The following GLI1 variants were observed in gnomAD, a reference collection of about 807,000 sequenced individuals.
GLI1 encodes the protein transcription activator GLI1.
A neutral mutation model predicts 87.8 loss-of-function variants in GLI1; 51 were observed. That is an observed-to-expected ratio of 0.58 (90% CI 0.46 to 0.73). The LOEUF (loss-of-function observed/expected upper bound fraction) is 0.73, where lower values mean the gene tolerates loss of function less well. GLI1 is among the 30% of genes least tolerant of loss of function. The pLI is 0.00. For missense variants in GLI1, 1,292 were observed against 1,437.2 expected, an observed-to-expected ratio of 0.90 and a Z score of 1.63; for synonymous variants, 528 against 558.2, an observed-to-expected ratio of 0.95 and a Z score of 0.76.
rs113257022 is a variant in GLI1, at chr12:57,467,778, G to T, written c.1078-216G>T. ...TGGATTTATGGGACCTCACAGCCCT[G>T]GGTTCACCCCCTCATCTTTCCCAGG... On this transcript the variant is annotated intron_variant, in intron 9 of 11. Transcript: ENST00000228682. 1.0e-3 allele frequency among the ~76,000 whole-genome samples: 156 copies of T among 152,194 alleles called. 1 individual carries two copies. Among genetic ancestry groups the T allele is most frequent in the South Asian group, 2.1e-3 (10 of 4,818 alleles).
At chr12:57,466,185 C>T in intron 7 of GLI1, 55 bp from the exon 8 acceptor site, 1 of 1,566,154 alleles carries the variant, frequency 6.4e-7, no homozygotes, top group Non-Finnish European at 8.7e-7. Flanking sequence ...AAGGTCTGTT[C>T]TGGACCTCAG....
In GLI1 at chr12:57,464,228, C is replaced by G. The variant is rs556317560; in HGVS notation, c.193+137C>G. 860 of 698,996 alleles carry G rather than the reference C, an allele frequency of 1.2e-3. 18 individuals are homozygous for G. In the South Asian group the frequency reaches 0.013, roughly 11 times the overall value. The allele number at this position is 698,996 out of a possible 1,614,324, so 43.3% of individuals were successfully genotyped here. A position where few individuals can be genotyped will look rare whatever the true frequency, so the allele number is the denominator to read the frequency against. ...AGGCGTCAGAGCACCATCAAGAAGT[C>G]ACAGATGGGGCCGGGCGCGGTGGCT... On this transcript the variant is annotated intron_variant, in intron 3 of 11. Coordinates refer to ENST00000228682, the MANE Select transcript of GLI1 (RefSeq NM_005269.3).
At chr12:57,464,554 C>A in intron 3 of GLI1, 119 bp from the exon 4 acceptor site, 1 of 648,548 alleles carries the variant, frequency 1.5e-6, no homozygotes, top group Non-Finnish European at 2.6e-6. Context: ...TCACAGATAG[C>A]ATCAATAGGG....
chr12:57,472,085 C>T lies in GLI1; in HGVS notation c.*24C>T. 7.0e-7 allele frequency: 1 copy of T among 1,431,166 alleles called. No individual in the cohort carries two copies. 88.7% of individuals were successfully genotyped at this position (1,431,166 alleles called of 1,614,324 possible). A position where few individuals can be genotyped will look rare whatever the true frequency, so the allele number is the denominator to read the frequency against. On this transcript the variant is annotated 3_prime_UTR_variant, in exon 12 of 12. Transcript: ENST00000228682. Reference sequence around the variant, plus strand: ...AAAGAGTAGGGAATCTCATCCATCACAGATCGCATTTCCTAAGGGGTTTCT... The same window carrying T: ...AAAGAGTAGGGAATCTCATCCATCATAGATCGCATTTCCTAAGGGGTTTCT...
At chr12:57,470,187 G>A (rs1871773043) in intron 11 of GLI1, 130 bp from the exon 12 acceptor site, 1 of 709,694 alleles carries the variant, frequency 1.4e-6, no homozygotes. Context: ...AGAAGTAGGA[G>A]ACAGAACAGA....
chr12:57,467,836 T>A (rs1462009950), intron 9 of GLI1, among the ~76,000 whole-genome samples, 158 bp from the exon 10 acceptor site: 1 of 152,138 alleles, frequency 6.6e-6, no homozygotes, highest in Non-Finnish European at 1.5e-5. Context: ...ACTTAATCTC[T>A]GCATCTTTGA....
chr12:57,462,034 C>T (rs1871172275), intron 1 of GLI1, among the ~76,000 whole-genome samples: 1 of 152,212 alleles, frequency 6.6e-6, no homozygotes, highest in Non-Finnish European at 1.5e-5. Flanking sequence ...GGGTGTAGCC[C>T]CATTTCCTTG....
intron 3 of GLI1, among the ~76,000 whole-genome samples, chr12:57,464,304 T>C (rs1871331213): frequency 6.6e-6 from 1 of 151,910 alleles, no homozygotes; most frequent in Admixed American, 6.6e-5. Context: ...GGAAGATCGC[T>C]TGAGGTCGGG....
chr12:57,462,900 G>C (rs954944987), intron 1 of GLI1, among the ~76,000 whole-genome samples: 2 of 152,204 alleles, frequency 1.3e-5, no homozygotes, highest in Non-Finnish European at 2.9e-5. Context: ...CGAGAAGGAA[G>C]GGGGAACGGG....
In GLI1 at chr12:57,467,032, T is replaced by C. The variant is rs1871534708; in HGVS notation, c.913-301T>C. Among the ~76,000 whole-genome samples the C allele has an allele frequency of 3.3e-5, 5 of 152,164 alleles. No homozygotes were observed. The South Asian group carries it at 1.0e-3, about 32-fold the overall frequency. On this transcript the variant is annotated intron_variant, in intron 8 of 11. Coordinates refer to ENST00000228682, the MANE Select transcript of GLI1 (RefSeq NM_005269.3). ...ACCCTGCATCAAGGACAACAGCCCG[T>C]TCCCCCAAGATGACCCCATCTTGGG...
chr12:57,465,516 G>A, intron 5 of GLI1, 91 bp from the exon 6 acceptor site: 1 of 1,043,206 alleles, frequency 9.6e-7, no homozygotes, highest in Non-Finnish European at 1.4e-6. Flanking sequence ...CTGCTTGGGT[G>A]GGGGCACTTA....
Position 57,466,278 on chromosome 12 carries a change from G to C in GLI1, c.801G>C (p.Glu267Asp), listed in dbSNP as rs1412421532. The C allele has an allele frequency of 6.2e-7, 1 of 1,614,032 alleles. No individual in the cohort carries two copies. The highest frequency in any genetic ancestry group is 8.5e-7 in the Non-Finnish European group (1 of 1,179,968). The change falls in exon 8 of 12, where the codon GAG becomes GAC. Residue 267 changes from glutamate (E) to aspartate (D), a missense_variant. Coordinates refer to ENST00000228682, the MANE Select transcript of GLI1 (RefSeq NM_005269.3). ...AGCACATCCACGGGGAGCGGAAGGAGTTCGTGTGCCACTGGGGGGGCTGCT... is the reference window on the plus strand; with the variant it reads ...AGCACATCCACGGGGAGCGGAAGGACTTCGTGTGCCACTGGGGGGGCTGCT... ...NSEHIHGERK[E>D]FVCHWGGCSR...
Position 57,470,576 on chromosome 12 carries a change from A to T in GLI1, c.1836A>T (p.Ile612=). ...CTGCAGCATCCAGCCTGGATCGGAT[A>T]GGTGGTCTTCCCATGCCTCCTTGGA... ...SPTAASSLDR[I]GGLPMPPWRS... Residue 612 remains isoleucine, a synonymous_variant, in exon 12 of 12, where the codon ATA becomes ATT. Coordinates refer to ENST00000228682, the MANE Select transcript of GLI1 (RefSeq NM_005269.3). 1 of 1,614,112 alleles carries T rather than the reference A, an allele frequency of 6.2e-7. No homozygotes were observed.
Position 57,462,285 on chromosome 12 carries a change from T to C in GLI1, c.-27-1380T>C, listed in dbSNP as rs568490718. ...TTGGATGCGGGATCCGCACCTCGGTTGGAAAAGGAGGAGTTAGAAAAGGGT... is the reference window on the plus strand; with the variant it reads ...TTGGATGCGGGATCCGCACCTCGGTCGGAAAAGGAGGAGTTAGAAAAGGGT... On this transcript the variant is annotated intron_variant, in intron 1 of 11. Coordinates refer to ENST00000228682, the MANE Select transcript of GLI1 (RefSeq NM_005269.3). Among the ~76,000 whole-genome samples the C allele has an allele frequency of 2.9e-3, 438 of 151,276 alleles. 2 individuals are homozygous for C. Among genetic ancestry groups the C allele is most frequent in the African/African-American group, 0.01 (417 of 41,322 alleles).
intron 10 of GLI1, 39 bp from the exon 11 acceptor site, chr12:57,469,392 G>A: frequency 6.2e-7 from 1 of 1,600,680 alleles, no homozygotes; most frequent in Admixed American, 1.7e-5. Context: ...AAGGAGCTGT[G>A]GGGAAGGGTG....
rs1316113626 is a variant in GLI1, at chr12:57,472,084, A to G, written c.*23A>G. On this transcript the variant is annotated 3_prime_UTR_variant, in exon 12 of 12. Coordinates refer to ENST00000228682, the MANE Select transcript of GLI1 (RefSeq NM_005269.3). ...TAAAGAGTAGGGAATCTCATCCATC[A>G]CAGATCGCATTTCCTAAGGGGTTTC... The G allele has an allele frequency of 2.1e-6, 3 of 1,435,150 alleles. No homozygotes were observed. The highest frequency in any genetic ancestry group is 2.8e-6 in the Non-Finnish European group (3 of 1,073,910). 88.9% of individuals were successfully genotyped at this position (1,435,150 alleles called of 1,614,324 possible).
chr12:57,472,098 C>G lies in GLI1; in HGVS notation c.*37C>G, dbSNP rs2139871181. The G allele has an allele frequency of 4.3e-6, 6 of 1,386,692 alleles. No individual in the cohort carries two copies. The East Asian group carries it at 1.5e-4, about 34-fold the overall frequency. 85.9% of individuals were successfully genotyped at this position (1,386,692 alleles called of 1,614,324 possible). On this transcript the variant is annotated 3_prime_UTR_variant, in exon 12 of 12. Coordinates refer to ENST00000228682, the MANE Select transcript of GLI1 (RefSeq NM_005269.3). ...TCTCATCCATCACAGATCGCATTTC[C>G]TAAGGGGTTTCTATCCTTCCAGAAA... is the stretch of plus-strand genomic sequence containing the variant.
At chr12:57,468,620 T>G (rs1196828941) in intron 10 of GLI1, among the ~76,000 whole-genome samples, 3 of 151,802 alleles carry the variant, frequency 2.0e-5, no homozygotes, top group South Asian at 2.1e-4. Flanking sequence ...CACCCCATCA[T>G]GCCTGGCTAA....
rs373770232 is a variant in GLI1 at position 57,467,998 on chromosome 12, C to T, written c.1082C>T (p.Pro361Leu). 13 of 1,611,018 alleles carry T rather than the reference C, an allele frequency of 8.1e-6. No individual in the cohort carries two copies. The highest frequency in any genetic ancestry group is 6.7e-5 in the East Asian group (3 of 44,884). The change falls in exon 10 of 12, where the codon CCG (proline) becomes CTG (leucine). Residue 361 changes from proline (P) to leucine (L), a missense_variant. This residue lies in a region of GLI1 where 897 missense variants were observed against 1,040.7 expected (regional missense o/e 0.86). Transcript: ENST00000228682. ...HQNRTHSNEK[P>L]YVCKLPGCTK... ...TCTCCACTCTCCACTCAACAGAAGC[C>T]GTATGTATGTAAGCTCCCTGGCTGC...
Sources: allele counts gnomAD v4.1 joint callset (sites outside exome capture counted in the v4.1 genomes callset), GRCh38; gene constraint gnomAD v4.1.1; regional missense constraint gnomAD v4.1.1; transcripts MANE v1.5; gene names NCBI Gene and HGNC (gene_info 2026-07-23, HGNC 2026-07-21).